The following BICD2 variants were observed in gnomAD, a reference collection of about 807,000 sequenced individuals.
BICD2 encodes protein bicaudal D homolog 2.
In BICD2, 25 loss-of-function variants were observed where a neutral mutation model predicts 72.9. The observed-to-expected ratio is 0.34, with a 90% CI of 0.25 to 0.48. The LOEUF (loss-of-function observed/expected upper bound fraction) is 0.48, where lower values mean the gene tolerates loss of function less well. BICD2 is among the 20% of genes least tolerant of loss of function. The probability of loss-of-function intolerance (pLI) is 0.99; values close to 1 mark genes in which losing one functional copy is unlikely to be tolerated. For synonymous variants in BICD2, 501 were observed against 516.1 expected, an observed-to-expected ratio of 0.97 and a Z score of 0.40; for missense variants, 894 against 1,175.2, an observed-to-expected ratio of 0.76 and a Z score of 3.50.
rs1420887128 is a variant in BICD2 at position 92,733,527 on chromosome 9, A to G, written c.241-4291T>C. Among the ~76,000 whole-genome samples, 3 of 151,986 alleles carry G rather than the reference A, an allele frequency of 2.0e-5. No individual in the cohort carries two copies. In the East Asian group the frequency reaches 5.8e-4, roughly 29 times the overall value. The stretch of plus-strand genomic sequence containing the variant: ...TATTCCAACCTGGACGACAGAGGAA[A>G]AAAAAAAAAGTTTTTCAACAAATGA... On this transcript the variant is annotated intron_variant, in intron 1 of 6. Transcript: ENST00000356884.
intron 1 of BICD2, among the ~76,000 whole-genome samples, chr9:92,749,997 G>A (rs1009873206): frequency 2.6e-5 from 4 of 152,250 alleles, no homozygotes; most frequent in South Asian, 2.1e-4. Flanking sequence ...GCTGCAGCCC[G>A]GGTTTTCTCC....
intron 1 of BICD2, among the ~76,000 whole-genome samples, chr9:92,755,820 C>T (rs1205685029): frequency 6.6e-6 from 1 of 152,230 alleles, no homozygotes; most frequent in Non-Finnish European, 1.5e-5. Context: ...CAGCAGGCAA[C>T]ACATGCCTGC....
intron 1 of BICD2, among the ~76,000 whole-genome samples, chr9:92,752,030 C>T (rs1190789170): frequency 6.6e-6 from 1 of 152,092 alleles, no homozygotes; most frequent in African/African-American, 2.4e-5. Context: ...GTCTCGAACT[C>T]CTAACCTCAC....
At chr9:92,730,656 T>A (rs1464652168) in intron 1 of BICD2, among the ~76,000 whole-genome samples, 1 of 152,302 alleles carries the variant, frequency 6.6e-6, no homozygotes, top group East Asian at 1.9e-4. Flanking sequence ...GTGATGTATG[T>A]GTTGTGTGTG....
chr9:92,752,891 G>T (rs1011503071), intron 1 of BICD2, among the ~76,000 whole-genome samples: 11 of 152,292 alleles, frequency 7.2e-5, no homozygotes, highest in Admixed American at 4.6e-4. Flanking sequence ...CAAAGAGGTG[G>T]AGCAAACTCC....
intron 1 of BICD2, among the ~76,000 whole-genome samples, chr9:92,757,727 C>T (rs552234303): frequency 2.0e-5 from 3 of 151,914 alleles, no homozygotes; most frequent in Non-Finnish European, 2.9e-5. Flanking sequence ...AGAAAAGATT[C>T]TATTTTCTTA....
intron 1 of BICD2, among the ~76,000 whole-genome samples, chr9:92,761,075 C>T (rs752629524): frequency 3.9e-5 from 6 of 152,172 alleles, no homozygotes; most frequent in Non-Finnish European, 8.8e-5. Context: ...GTCCAGAAGG[C>T]AGCAGGCAGG....
intron 6 of BICD2, among the ~76,000 whole-genome samples, chr9:92,717,209 GGA>G (rs1853334059): frequency 6.6e-6 from 1 of 152,194 alleles, no homozygotes; most frequent in African/African-American, 2.4e-5. Flanking sequence ...TGTAAATGTT[GGA>G]TTCAAGGGGT....
Position 92,764,495 on chromosome 9 carries a change from C to A in BICD2, c.240+10G>T, listed in dbSNP as rs976041248. The A allele has an allele frequency of 2.2e-5, 33 of 1,502,472 alleles. No individual in the cohort carries two copies. In the Admixed American group the frequency reaches 3.2e-4, roughly 15 times the overall value. The allele number at this position is 1,502,472 out of a possible 1,614,324, so 93.1% of individuals were successfully genotyped here. A position where few individuals can be genotyped will look rare whatever the true frequency, so the allele number is the denominator to read the frequency against. On this transcript the variant is annotated intron_variant, in intron 1 of 6. Coordinates refer to ENST00000356884, the MANE Select transcript of BICD2 (RefSeq NM_001003800.2). The surrounding 1 kb of genome is among the most constrained non-coding windows in gnomAD (Gnocchi z 5.5). ...GGGCGGGGGTCGCAGGGCAGGGCGGCTCGGCTCACCTCCTTGAGCTGCTCC... is the reference window on the plus strand; with the variant it reads ...GGGCGGGGGTCGCAGGGCAGGGCGGATCGGCTCACCTCCTTGAGCTGCTCC...
intron 1 of BICD2, among the ~76,000 whole-genome samples, chr9:92,734,768 G>T (rs576482051): frequency 1.8e-4 from 28 of 152,256 alleles, no homozygotes; most frequent in African/African-American, 6.5e-4. Flanking sequence ...CTCCTAGGCT[G>T]GTGCCCTGCA....
In BICD2 at chr9:92,719,274, G is replaced by A. The variant is rs770158042; in HGVS notation, c.1371C>T (p.Arg457=). The change falls in exon 5 of 7, where the codon CGC becomes CGT. Residue 457 remains arginine (R), a synonymous_variant. Coordinates refer to ENST00000356884, the MANE Select transcript of BICD2 (RefSeq NM_001003800.2). ...GELREQLKAL[R]STHEAREAQH... ...GGGCCTCACGAGCCTCGTGCGTGCT[G>A]CGCAGTGCCTTGAGCTGCTCGCGGA... The A allele has an allele frequency of 5.6e-6, 9 of 1,613,616 alleles. No homozygotes were observed. The East Asian group carries it at 1.8e-4, about 32-fold the overall frequency.
chr9:92,730,812 A>G (rs1319805122), intron 1 of BICD2, among the ~76,000 whole-genome samples: 1 of 152,196 alleles, frequency 6.6e-6, no homozygotes, highest in Non-Finnish European at 1.5e-5. Flanking sequence ...ACAGATGTCT[A>G]TGGCACCCAC....
chr9:92,739,019 T>C (rs1160628684), intron 1 of BICD2, among the ~76,000 whole-genome samples: 1 of 152,144 alleles, frequency 6.6e-6, no homozygotes, highest in Non-Finnish European at 1.5e-5. Context: ...ACGGCGGGCC[T>C]GGGCATCCCA....
rs1406227956 is a variant in BICD2, at chr9:92,720,417, G to A, written c.945C>T (p.Asn315=). Residue 315 remains asparagine (N), a synonymous_variant, in exon 4 of 7, where the codon AAC becomes AAT. Coordinates refer to ENST00000356884, the MANE Select transcript of BICD2 (RefSeq NM_001003800.2). This position sits in a 1 kb window ranked among gnomAD's most constrained non-coding sequence, Gnocchi z 5.4. ...CCTCCTTCTTGGGCGTGGAGGTCTT[G>A]TTGTCCAGTGGCAGCTTGGCCAGGC... ...HGGLAKLPLD[N]KTSTPKKEGL... is the part of the protein sequence containing the mutation. The A allele has an allele frequency of 6.2e-7, 1 of 1,614,196 alleles. No individual in the cohort carries two copies. The highest frequency in any genetic ancestry group is 8.5e-7 in the Non-Finnish European group (1 of 1,180,040).
In BICD2 at chr9:92,713,306, C is replaced by A; in HGVS notation, c.*1848G>T. 1 of 836,174 alleles carries A rather than the reference C, an allele frequency of 1.2e-6. No individual in the cohort carries two copies. The highest frequency in any genetic ancestry group is 1.6e-5 in the South Asian group (1 of 61,518). 51.8% of individuals were successfully genotyped at this position (836,174 alleles called of 1,614,324 possible). On this transcript the variant is annotated 3_prime_UTR_variant, in exon 7 of 7. Coordinates refer to ENST00000356884, the MANE Select transcript of BICD2 (RefSeq NM_001003800.2). ...CCTCCCATTAAAAACCTGGGGAATG[C>A]TATTTTGAAAAGAATTGCAGTGGCA...
intron 1 of BICD2, among the ~76,000 whole-genome samples, chr9:92,733,072 A>C (rs1853707095): frequency 6.6e-6 from 1 of 152,238 alleles, no homozygotes; most frequent in Non-Finnish European, 1.5e-5. Context: ...TAACAACGTG[A>C]GAGAACTCAC....
At chr9:92,754,927 GA>G (rs965973265) in intron 1 of BICD2, among the ~76,000 whole-genome samples, 2 of 151,902 alleles carry the variant, frequency 1.3e-5, no homozygotes, top group Non-Finnish European at 2.9e-5. Context: ...TGGGCACCTT[GA>G]AAAAAAGAAC....
At chr9:92,746,655 A>C (rs1854020836) in intron 1 of BICD2, among the ~76,000 whole-genome samples, 1 of 152,202 alleles carries the variant, frequency 6.6e-6, no homozygotes. Context: ...GTATGATGAC[A>C]CAGTGGATGA....
intron 1 of BICD2, among the ~76,000 whole-genome samples, chr9:92,756,983 G>A (rs1854272297): frequency 6.6e-6 from 1 of 152,114 alleles, no homozygotes; most frequent in Non-Finnish European, 1.5e-5. Flanking sequence ...GAGTAGCCAG[G>A]GCTAATGCCA....
Sources: gnomAD v4.1 joint callset for allele counts (sites outside exome capture counted in the v4.1 genomes callset) on GRCh38, gnomAD v4.1.1 for gene constraint, Gnocchi (gnomAD v3.1) non-coding constraint, MANE v1.5 for transcripts, NCBI Gene and HGNC (gene_info 2026-07-23, HGNC 2026-07-21) for gene names.